The following DNAH1 variants were observed in gnomAD, a reference collection of about 807,000 sequenced individuals.
DNAH1 encodes axonemal beta dynein heavy chain 1.
In DNAH1, 327 loss-of-function variants were observed where a neutral mutation model predicts 484.3. The ratio of observed to expected loss-of-function variants is 0.68; its 90% CI spans 0.62 to 0.74. The LOEUF is 0.74. Ranked by LOEUF, DNAH1 falls within the 30% of genes least tolerant of loss-of-function variation. The probability of loss-of-function intolerance (pLI) is 0.00; values close to 1 mark genes in which losing one functional copy is unlikely to be tolerated. For missense variants in DNAH1, 5,052 were observed against 5,546.8 expected, an observed-to-expected ratio of 0.91 and a Z score of 2.83; for synonymous variants, 2,192 against 2,191.9, an observed-to-expected ratio of 1.00 and a Z score of 0.00.
intron 45 of DNAH1, 78 bp from the exon 46 acceptor site, chr3:52,375,877 C>CA (rs1368283607): frequency 1.3e-6 from 2 of 1,540,188 alleles, no homozygotes; most frequent in Admixed American, 1.9e-5. Flanking sequence ...CTGTTTCCCC[C>CA]ACCATCTCAC....
In DNAH1 at chr3:52,394,582, A is replaced by G. The variant is rs1261898246; in HGVS notation, c.10744A>G (p.Thr3582Ala). ...RDILALSNLP[T>A]FSSFSSDFVK... is the part of the protein sequence containing the mutation. Reference sequence around the variant, plus strand: ...CATCCTAGCACTCTCGAACCTGCCAACCTTTTCCTCCTTCTCTTCCGACTT... The same window carrying G: ...CATCCTAGCACTCTCGAACCTGCCAGCCTTTTCCTCCTTCTCTTCCGACTT... Residue 3582 changes from threonine (T) to alanine (A), a missense_variant, in exon 67 of 78, where the codon ACC (threonine) becomes GCC (alanine). Transcript: ENST00000420323. The G allele has an allele frequency of 6.2e-7, 1 of 1,611,816 alleles. No individual in the cohort carries two copies. The highest frequency in any genetic ancestry group is 8.5e-7 in the Non-Finnish European group (1 of 1,178,456).
chr3:52,326,916 TGA>T, intron 5 of DNAH1, 25 bp downstream of exon 5: 1 of 1,606,418 alleles, frequency 6.2e-7, no homozygotes, highest in South Asian at 1.1e-5. Context: ...CACAGATGGT[TGA>T]GAGACAGGGG....
Position 52,364,521 on chromosome 3 carries a change from A to G in DNAH1, c.5245-117A>G. ...GGTGGTCCCAGCAGGTCTGCAAGGGAAGTGCTATGAGCTGGTGATGAGACT... is the reference window on the plus strand; with the variant it reads ...GGTGGTCCCAGCAGGTCTGCAAGGGGAGTGCTATGAGCTGGTGATGAGACT... On this transcript the variant is annotated intron_variant, in intron 32 of 77. Coordinates refer to ENST00000420323, the MANE Select transcript of DNAH1 (RefSeq NM_015512.5). The surrounding 1 kb of genome is among the most constrained non-coding windows in gnomAD (Gnocchi z 4.2). The G allele has an allele frequency of 1.7e-6, 2 of 1,163,774 alleles. No individual in the cohort carries two copies. Among genetic ancestry groups the G allele is most frequent in the Non-Finnish European group, 2.6e-6 (2 of 781,568 alleles). 72.1% of individuals were successfully genotyped at this position (1,163,774 alleles called of 1,614,324 possible).
At chr3:52,330,974 C>T (rs1701521612) in intron 6 of DNAH1, among the ~76,000 whole-genome samples, 174 bp from the exon 7 acceptor site, 2 of 152,154 alleles carry the variant, frequency 1.3e-5, no homozygotes, top group Non-Finnish European at 2.9e-5. Context: ...GAGGCGAGCT[C>T]GGCTGGGAGG....
chr3:52,388,529 T>A lies in DNAH1; in HGVS notation c.9283T>A (p.Tyr3095Asn), dbSNP rs1190095626. Residue 3095 changes from tyrosine (Y) to asparagine (N), a missense_variant, in exon 58 of 78, where the codon TAC becomes AAC. Transcript: ENST00000420323. ...EDGIATMQAKYRECITKKEEL... is the reference protein window; with the variant it reads ...EDGIATMQAKNRECITKKEEL... ...CGGCATCGCCACAATGCAGGCTAAGTACCGGGAATGCATTACCAAGAAGGA... is the reference window on the plus strand; with the variant it reads ...CGGCATCGCCACAATGCAGGCTAAGAACCGGGAATGCATTACCAAGAAGGA... 2 of 1,613,002 alleles carry A rather than the reference T, an allele frequency of 1.2e-6. No homozygotes were observed. The highest frequency in any genetic ancestry group is 1.1e-5 in the South Asian group (1 of 90,902).
intron 44 of DNAH1, chr3:52,373,685 T>A: frequency 2.9e-6 from 4 of 1,383,134 alleles, no homozygotes; most frequent in South Asian, 1.2e-5. Context: ...AGAAGTTTTT[T>A]ATCCAGAAGT....
chr3:52,361,267 G>T lies in DNAH1; in HGVS notation c.4789G>T (p.Ala1597Ser), dbSNP rs747885771. ...TGAGACCACCAAAGACCTGGGTAAG[G>T]CCTTGGCCATACAGACCGTTGTGTT... ...KTETTKDLGK[A>S]LAIQTVVFNC... Residue 1597 changes from alanine (A) to serine (S), a missense_variant, in exon 29 of 78, where the codon GCC (alanine) becomes TCC (serine). Around this residue, in one of 4 missense-constraint regions of DNAH1, gnomAD observed 2,929 missense variants for 3,409.4 expected, o/e 0.86. Transcript: ENST00000420323. This position sits in a 1 kb window ranked among gnomAD's most constrained non-coding sequence, Gnocchi z 5.6. 10 of 1,612,786 alleles carry T rather than the reference G, an allele frequency of 6.2e-6. No homozygotes were observed. The highest frequency in any genetic ancestry group is 7.6e-6 in the Non-Finnish European group (9 of 1,179,530).
Position 52,332,350 on chromosome 3 carries a change from C to G in DNAH1, c.1242C>G (p.Ile414Met), listed in dbSNP as rs1289408831. 1 of 1,613,876 alleles carries G rather than the reference C, an allele frequency of 6.2e-7. No individual in the cohort carries two copies. The highest frequency in any genetic ancestry group is 8.5e-7 in the Non-Finnish European group (1 of 1,179,910). Residue 414 changes from isoleucine to methionine, a missense_variant, in exon 8 of 78, where the codon ATC becomes ATG. By Grantham distance (10) the Ile-to-Met change is conservative (BLOSUM62 1). Coordinates refer to ENST00000420323, the MANE Select transcript of DNAH1 (RefSeq NM_015512.5). ...TCAGTGAACAGAGCCTGAGCAAGAT[C>G]AAGCAGTGGGCCCTGAGCACGCCTC... Reference protein sequence around the residue: ...HVISEQSLSKIKQWALSTPRM... With the variant: ...HVISEQSLSKMKQWALSTPRM...
chr3:52,396,650 G>C lies in DNAH1; in HGVS notation c.11463G>C (p.Leu3821=), dbSNP rs1168611629. The change falls in exon 72 of 78, where the codon CTG becomes CTC. Residue 3821 remains leucine, a synonymous_variant. Transcript: ENST00000420323. Reference sequence around the variant, plus strand: ...AGTTCAAGTCTCTGCTGCTGTCTCTGTGCTTGTTCCATGGGAACGCCCTGG... The same window carrying C: ...AGTTCAAGTCTCTGCTGCTGTCTCTCTGCTTGTTCCATGGGAACGCCCTGG... The part of the protein sequence containing the change: ...VMEFKSLLLS[L]CLFHGNALER... 6.2e-7 allele frequency: 1 copy of C among 1,613,560 alleles called. No individual in the cohort carries two copies. Among genetic ancestry groups the C allele is most frequent in the Non-Finnish European group, 8.5e-7 (1 of 1,179,794 alleles).
At chr3:52,329,537 A>T (rs1283740152) in intron 6 of DNAH1, among the ~76,000 whole-genome samples, 1 of 152,144 alleles carries the variant, frequency 6.6e-6, no homozygotes, top group Non-Finnish European at 1.5e-5. Flanking sequence ...AAAACAAAAA[A>T]AACCAGGGGG....
intron 46 of DNAH1, 127 bp downstream of exon 46, chr3:52,376,120 G>C: frequency 2.5e-6 from 3 of 1,206,512 alleles, no homozygotes; most frequent in Non-Finnish European, 3.5e-6. Context: ...GGGACCTTGG[G>C]CCACTAGGGT....
chr3:52,347,897 G>C lies in DNAH1; in HGVS notation c.2029G>C (p.Glu677Gln). The change falls in exon 12 of 78, where the codon GAG (glutamate) becomes CAG (glutamine). Residue 677 changes from glutamate to glutamine, a missense_variant. Physicochemically the swap from Glu to Gln is conservative, Grantham distance 29. Coordinates refer to ENST00000420323, the MANE Select transcript of DNAH1 (RefSeq NM_015512.5). Reference sequence around the variant, plus strand: ...TGGGGTGCACTATAGCACCCCACTGGAGCAGTTTGAGGCATCTCTGCTGAA... The same window carrying C: ...TGGGGTGCACTATAGCACCCCACTGCAGCAGTTTGAGGCATCTCTGCTGAA... The part of the protein sequence containing the change: ...SSGVHYSTPL[E>Q]QFEASLLNLF... 1 of 1,608,726 alleles carries C rather than the reference G, an allele frequency of 6.2e-7. No individual in the cohort carries two copies. Among genetic ancestry groups the C allele is most frequent in the South Asian group, 1.1e-5 (1 of 89,872 alleles).
At chr3:52,386,907 G>T in intron 56 of DNAH1, 54 bp downstream of exon 56, 1 of 1,476,858 alleles carries the variant, frequency 6.8e-7, no homozygotes, top group Non-Finnish European at 9.0e-7. Context: ...GGCCCGCCCG[G>T]CAGGACAGTG....
At chr3:52,317,658 G>T (rs1700995895) in intron 1 of DNAH1, among the ~76,000 whole-genome samples, 1 of 152,238 alleles carries the variant, frequency 6.6e-6, no homozygotes, top group Non-Finnish European at 1.5e-5. Context: ...GAGCCTAGAA[G>T]AGTGACGCTC....
chr3:52,383,753 T>C, intron 51 of DNAH1, 107 bp from the exon 52 acceptor site: 1 of 1,432,558 alleles, frequency 7.0e-7, no homozygotes, highest in Non-Finnish European at 9.3e-7. Context: ...GCTGTGCTGC[T>C]GTGTCCTGGC....
chr3:52,396,416 T>A lies in DNAH1; in HGVS notation c.11308T>A (p.Phe3770Ile). The stretch of plus-strand genomic sequence containing the variant: ...GCTCACCAGCCTGCCCAGCAACAAG[T>A]TCCCAGTGTCCATCCTGCAGAACGG... ...LWLTSLPSNK[F>I]PVSILQNGSK... Residue 3770 changes from phenylalanine to isoleucine, a missense_variant, in exon 71 of 78, where the codon TTC (phenylalanine) becomes ATC (isoleucine). Physicochemically the swap from Phe to Ile is conservative, Grantham distance 21. This residue lies in a region of DNAH1 where 853 missense variants were observed against 899.0 expected (regional missense o/e 0.95). Coordinates refer to ENST00000420323, the MANE Select transcript of DNAH1 (RefSeq NM_015512.5). 3 of 1,590,648 alleles carry A rather than the reference T, an allele frequency of 1.9e-6. No individual in the cohort carries two copies. Among genetic ancestry groups the A allele is most frequent in the Non-Finnish European group, 2.6e-6 (3 of 1,169,014 alleles).
chr3:52,367,731 G>A (rs1703146847), intron 36 of DNAH1, among the ~76,000 whole-genome samples: 1 of 152,098 alleles, frequency 6.6e-6, no homozygotes, highest in Non-Finnish European at 1.5e-5. Context: ...GTGCCACCAT[G>A]CCCGGCTAAT....
rs1487608021 is a variant in DNAH1 at position 52,364,750 on chromosome 3, G to A, written c.5331+26G>A. On this transcript the variant is annotated intron_variant, in intron 33 of 77. Coordinates refer to ENST00000420323, the MANE Select transcript of DNAH1 (RefSeq NM_015512.5). This position sits in a 1 kb window ranked among gnomAD's most constrained non-coding sequence, Gnocchi z 4.2. ...GTGAGCTCCACCCAGCAGGGCTCCAGGAGTGGAACTCTGGGAGGGCTCCTG... is the reference window on the plus strand; with the variant it reads ...GTGAGCTCCACCCAGCAGGGCTCCAAGAGTGGAACTCTGGGAGGGCTCCTG... 1 of 1,609,168 alleles carries A rather than the reference G, an allele frequency of 6.2e-7. No individual in the cohort carries two copies. The highest frequency in any genetic ancestry group is 1.7e-5 in the Admixed American group (1 of 59,786).
intron 50 of DNAH1, 81 bp downstream of exon 50, chr3:52,382,536 A>G: frequency 1.3e-6 from 2 of 1,571,698 alleles, no homozygotes; most frequent in Non-Finnish European, 1.7e-6. Context: ...GAAGGTGGCC[A>G]GTCCTTCATG....
Sources: gnomAD v4.1 joint callset for allele counts (sites outside exome capture counted in the v4.1 genomes callset) on GRCh38, gnomAD v4.1.1 for gene constraint, gnomAD v4.1.1 regional missense constraint, Gnocchi (gnomAD v3.1) non-coding constraint, MANE v1.5 for transcripts, NCBI Gene and HGNC (gene_info 2026-07-23, HGNC 2026-07-21) for gene names.